Variants in XRCC4 observed in about 807,000 individuals in gnomAD.
XRCC4 encodes the protein X-ray repair cross complementing 4.
In XRCC4, 28 loss-of-function variants were observed where a neutral mutation model predicts 39.1. That is an observed-to-expected ratio of 0.72 (90% CI 0.53 to 0.98). The LOEUF (loss-of-function observed/expected upper bound fraction) is 0.98, where lower values mean the gene tolerates loss of function less well. Among genes scored for constraint, XRCC4 ranks in the 50% least tolerant of loss-of-function variants. The pLI, the probability that XRCC4 is intolerant of heterozygous loss-of-function variation, is 0.00. For missense variants in XRCC4, 350 were observed against 376.4 expected (o/e 0.93, Z 0.58); for synonymous variants, 123 against 126.4 (o/e 0.97, Z 0.18).
chr5:83,323,263 T>A lies in XRCC4; in HGVS notation c.894-29868T>A, dbSNP rs370081840. 3.0e-4 allele frequency among the ~76,000 whole-genome samples: 46 copies of A among 152,220 alleles called. No individual in the cohort carries two copies. In the East Asian group the frequency reaches 6.4e-3, roughly 21 times the overall value. On this transcript the variant is annotated intron_variant, in intron 7 of 7. Coordinates refer to ENST00000396027, the MANE Select transcript of XRCC4 (RefSeq NM_003401.5). ...AGGAAATAATTAGCCCTAAAATAAT[T>A]TTCATTGATTTTAAATTTTTGATTA...
At chr5:83,345,452 CA>C (rs1257548200) in intron 7 of XRCC4, among the ~76,000 whole-genome samples, 1 of 152,006 alleles carries the variant, frequency 6.6e-6, no homozygotes, top group African/African-American at 2.4e-5. Flanking sequence ...AGTTAGGCCT[CA>C]AAAAATTAGT....
intron 4 of XRCC4, among the ~76,000 whole-genome samples, chr5:83,199,782 T>A (rs557749785): frequency 1.5e-5 from 1 of 68,802 alleles, no homozygotes; most frequent in South Asian, 5.1e-4. Flanking sequence ...AAAATTACTA[T>A]TTTTTTGTCC....
rs1320974428 is a variant in XRCC4, at chr5:83,275,301, T to TG, written c.893+16624_893+16625insG. On this transcript the variant is annotated intron_variant, in intron 7 of 7. Coordinates refer to ENST00000396027, the MANE Select transcript of XRCC4 (RefSeq NM_003401.5). Reference sequence around the variant, plus strand: ...TTCTGTTTTGGCTAGGTTAGGTTTTTTTTTTTTTTTTGAGACGGAGTCTCG... The same window carrying TG: ...TTCTGTTTTGGCTAGGTTAGGTTTTTGTTTTTTTTTTTGAGACGGAGTCTCG... Among the ~76,000 whole-genome samples the TG allele has an allele frequency of 4.6e-5, 7 of 151,456 alleles. No homozygotes were observed. The East Asian group carries it at 1.4e-3, about 29-fold the overall frequency.
intron 4 of XRCC4, among the ~76,000 whole-genome samples, chr5:83,199,477 A>C (rs1480385304): frequency 6.6e-6 from 1 of 152,130 alleles, no homozygotes; most frequent in Non-Finnish European, 1.5e-5. Flanking sequence ...TTTGACATAC[A>C]ACCCTGACCT....
intron 3 of XRCC4, among the ~76,000 whole-genome samples, chr5:83,154,123 T>C (rs1429174249): frequency 1.3e-5 from 2 of 152,226 alleles, no homozygotes; most frequent in Non-Finnish European, 2.9e-5. Context: ...GCCTTTTTGC[T>C]ACTTACAGTT....
At chr5:83,216,365 G>A (rs1225064353) in intron 6 of XRCC4, among the ~76,000 whole-genome samples, 1 of 152,148 alleles carries the variant, frequency 6.6e-6, no homozygotes, top group African/African-American at 2.4e-5. Flanking sequence ...TTTCTGGTGG[G>A]AATGTAAAAT....
At chr5:83,337,596 C>T (rs2112188432) in intron 7 of XRCC4, among the ~76,000 whole-genome samples, 1 of 152,294 alleles carries the variant, frequency 6.6e-6, no homozygotes, top group East Asian at 1.9e-4. Context: ...GGATGGCTCT[C>T]AGCCTTGTTT....
chr5:83,345,468 T>G (rs1296912297), intron 7 of XRCC4, among the ~76,000 whole-genome samples: 1 of 152,162 alleles, frequency 6.6e-6, no homozygotes, highest in African/African-American at 2.4e-5. Context: ...ATTAGTTATT[T>G]AAAATAACAG....
intron 6 of XRCC4, among the ~76,000 whole-genome samples, chr5:83,233,684 T>A (rs1384389245): frequency 2.7e-5 from 4 of 145,938 alleles, no homozygotes; most frequent in Non-Finnish European, 4.5e-5. Context: ...AATCAGGAGT[T>A]CAAGACCAGC....
intron 3 of XRCC4, among the ~76,000 whole-genome samples, chr5:83,135,597 C>T (rs138629332): frequency 2.8e-4 from 43 of 152,202 alleles, no homozygotes; most frequent in African/African-American, 9.9e-4. Context: ...ACACAGCCCA[C>T]TGATCCTGTA....
intron 3 of XRCC4, among the ~76,000 whole-genome samples, chr5:83,172,668 T>C (rs1476337682): frequency 1.3e-5 from 2 of 152,138 alleles, no homozygotes; most frequent in Non-Finnish European, 2.9e-5. Flanking sequence ...ACAAAAGTAT[T>C]TTTTCATGAA....
At chr5:83,149,362 G>T (rs372256540) in intron 3 of XRCC4, among the ~76,000 whole-genome samples, 6 of 148,018 alleles carry the variant, frequency 4.1e-5, no homozygotes, top group South Asian at 2.1e-4. Flanking sequence ...CAATATTTAG[G>T]TTTTTTTTTT....
intron 3 of XRCC4, among the ~76,000 whole-genome samples, chr5:83,153,770 CAG>C (rs1748829237): frequency 6.6e-6 from 1 of 152,116 alleles, no homozygotes; most frequent in South Asian, 2.1e-4. Flanking sequence ...TTTCTAGTAA[CAG>C]ATATAATCAT....
intron 7 of XRCC4, among the ~76,000 whole-genome samples, chr5:83,292,084 A>T (rs1561458074): frequency 1.3e-5 from 2 of 151,504 alleles, no homozygotes; most frequent in Non-Finnish European, 3.0e-5. Context: ...TAGAGAAAAA[A>T]ATGTAAACTT....
chr5:83,103,161 G>A (rs1166277677), intron 1 of XRCC4, among the ~76,000 whole-genome samples: 3 of 151,658 alleles, frequency 2.0e-5, no homozygotes, highest in African/African-American at 4.8e-5. Flanking sequence ...CGTGTCTGTG[G>A]ATAAAGACAG....
In XRCC4 at chr5:83,240,173, CAATA is replaced by C. The variant is rs1752851498; in HGVS notation, c.746-18349_746-18346del. On this transcript the variant is annotated intron_variant, in intron 6 of 7. Transcript: ENST00000396027. ...TGTGTGACAGAGTGAGACCCCGACTCAATAAATAAATGAATGAATGAATGTAAAA... is the reference window on the plus strand; with the variant it reads ...TGTGTGACAGAGTGAGACCCCGACTCAATAAATGAATGAATGAATGTAAAA... Among the ~76,000 whole-genome samples, 3 of 151,830 alleles carry C rather than the reference CAATA, an allele frequency of 2.0e-5. No homozygotes were observed. In the South Asian group the frequency reaches 6.2e-4, roughly 32 times the overall value.
rs142001515 is a variant in XRCC4, at chr5:83,331,955, A to T, written c.894-21176A>T. Among the ~76,000 whole-genome samples the T allele has an allele frequency of 3.6e-3, 543 of 152,250 alleles. 7 individuals carry two copies. Among genetic ancestry groups the T allele is most frequent in the African/African-American group, 0.012 (511 of 41,564 alleles). On this transcript the variant is annotated intron_variant, in intron 7 of 7. Transcript: ENST00000396027. Reference sequence around the variant, plus strand: ...GGATGGATAGTACCAAATGACTTCAACAGAAGTGGAGTGAACCTGTTACTA... The same window carrying T: ...GGATGGATAGTACCAAATGACTTCATCAGAAGTGGAGTGAACCTGTTACTA...
At chr5:83,177,438 CTTTTTTT>C (rs776050448) in intron 3 of XRCC4, among the ~76,000 whole-genome samples, 3 of 98,360 alleles carry the variant, frequency 3.1e-5, no homozygotes, top group African/African-American at 1.2e-4. Flanking sequence ...GCTTTAATAC[CTTTTTTT>C]TTTTTTTTTT....
Position 83,211,940 on chromosome 5 carries a change from A to C in XRCC4, c.745+7019A>C, listed in dbSNP as rs138157014. On this transcript the variant is annotated intron_variant, in intron 6 of 7. Transcript: ENST00000396027. ...TATTTAAAATGTTTAGTTTTCAACA[A>C]ATTGGACATACAGAGAAACAGGAAA... is the stretch of plus-strand genomic sequence containing the variant. Among the ~76,000 whole-genome samples, 816 of 152,322 alleles carry C rather than the reference A, an allele frequency of 5.4e-3. 3 individuals carry two copies. The highest frequency in any genetic ancestry group is 0.018 in the African/African-American group (757 of 41,574).
Sources: allele counts gnomAD v4.1 joint callset (sites outside exome capture counted in the v4.1 genomes callset), GRCh38; gene constraint gnomAD v4.1.1; transcripts MANE v1.5; gene names NCBI Gene and HGNC (gene_info 2026-07-23, HGNC 2026-07-21).